CCDC171: variants seen among roughly 807,000 people sequenced by gnomAD.
The protein encoded by CCDC171 is coiled-coil domain-containing protein 171.
CCDC171 carries 177 observed loss-of-function variants against 168.2 expected under a neutral mutation model. That is an observed-to-expected ratio of 1.05 (90% CI 0.93 to 1.19). The LOEUF is 1.19. Ranked by LOEUF, CCDC171 falls within the 50% of genes most tolerant of loss-of-function variation. The pLI is 0.00. For missense variants in CCDC171, 1,991 were observed against 1,539.0 expected (o/e 1.29, Z -4.91); for synonymous variants, 687 against 540.8 (o/e 1.27, Z -3.75).
At position 15,615,863 on chromosome 9, in the gene CCDC171, C is replaced by T. The variant is rs946906444; in HGVS notation, c.676-7404C>T. Among the ~76,000 whole-genome samples the T allele has an allele frequency of 2.6e-5, 4 of 151,850 alleles. No individual in the cohort carries two copies. In the East Asian group the frequency reaches 7.8e-4, roughly 29 times the overall value. ...GCATGATCTCAGCTTGCTGCAGCCTCTGCCTCCTAGGCACAAGTGATCCTC... is the reference window on the plus strand; with the variant it reads ...GCATGATCTCAGCTTGCTGCAGCCTTTGCCTCCTAGGCACAAGTGATCCTC... On this transcript the variant is annotated intron_variant, in intron 6 of 25. Coordinates refer to ENST00000380701, the MANE Select transcript of CCDC171 (RefSeq NM_173550.4).
intron 1 of CCDC171, among the ~76,000 whole-genome samples, chr9:15,555,077 C>T (rs886907771): frequency 1.1e-4 from 17 of 152,094 alleles, no homozygotes; most frequent in African/African-American, 3.9e-4. Context: ...AATTTTTTAC[C>T]AGTAGTGGCT....
At chr9:15,758,037 G>A (rs2056232226) in intron 18 of CCDC171, among the ~76,000 whole-genome samples, 1 of 152,172 alleles carries the variant, frequency 6.6e-6, no homozygotes, top group Admixed American at 6.5e-5. Context: ...TGTGGGGTAG[G>A]AGCCCCCACA....
intron 6 of CCDC171, among the ~76,000 whole-genome samples, chr9:15,612,163 T>G (rs2043746141): frequency 6.6e-6 from 1 of 152,212 alleles, no homozygotes; most frequent in Non-Finnish European, 1.5e-5. Flanking sequence ...ACTGCCTAGT[T>G]TATGGTATAT....
intron 23 of CCDC171, among the ~76,000 whole-genome samples, chr9:15,869,330 A>T (rs2061928448): frequency 6.6e-6 from 1 of 151,962 alleles, no homozygotes. Context: ...CCTATCCCTG[A>T]ATATCATTTT....
intron 8 of CCDC171, among the ~76,000 whole-genome samples, chr9:15,657,642 A>G (rs2048037187): frequency 6.6e-6 from 1 of 152,210 alleles, no homozygotes. Flanking sequence ...ATATCACTGT[A>G]TTAAGAGCTG....
intron 23 of CCDC171, among the ~76,000 whole-genome samples, chr9:15,869,687 G>A (rs2061949393): frequency 1.3e-5 from 2 of 151,660 alleles, no homozygotes; most frequent in South Asian, 2.1e-4. Flanking sequence ...CAGTAGTTGT[G>A]ACCAGGAAAG....
At chr9:15,905,976 G>C (rs1822533950) in intron 24 of CCDC171, among the ~76,000 whole-genome samples, 1 of 152,332 alleles carries the variant, frequency 6.6e-6, no homozygotes, top group South Asian at 2.1e-4. Context: ...AAACCAGGAA[G>C]AAGCTGAATC....
chr9:16,098,734 C>A, the CCDC171 span, among the ~76,000 whole-genome samples: 2 of 152,160 alleles, frequency 1.3e-5, no homozygotes, highest in Non-Finnish European at 2.9e-5. Context: ...TTTAAAGATC[C>A]CTTTCTGTTT....
intron 4 of CCDC171, among the ~76,000 whole-genome samples, chr9:15,585,795 T>G: frequency 6.6e-6 from 1 of 152,028 alleles, no homozygotes; most frequent in East Asian, 1.9e-4. Flanking sequence ...CTGACCAACA[T>G]AGTGAAACCC....
At chr9:15,558,632 A>G (rs2039008520) in intron 1 of CCDC171, among the ~76,000 whole-genome samples, 2 of 151,470 alleles carry the variant, frequency 1.3e-5, no homozygotes, top group Non-Finnish European at 2.9e-5. Flanking sequence ...TTTCTTCTTT[A>G]TTAGTCTTGC....
chr9:15,576,529 G>C lies in CCDC171; in HGVS notation c.178-2320G>C, dbSNP rs561939525. Among the ~76,000 whole-genome samples the C allele has an allele frequency of 3.9e-4, 60 of 152,170 alleles. 1 individual carries two copies. The South Asian group carries it at 0.012, about 32-fold the overall frequency. The stretch of plus-strand genomic sequence containing the variant: ...GTAATGTACTTTGTGCCCTTGAAGA[G>C]GATGTAGTCAAGGAAAAGGGAGGCT... On this transcript the variant is annotated intron_variant, in intron 3 of 25. Coordinates refer to ENST00000380701, the MANE Select transcript of CCDC171 (RefSeq NM_173550.4).
chr9:15,693,040 G>C (rs2050935165), intron 10 of CCDC171, among the ~76,000 whole-genome samples: 1 of 152,024 alleles, frequency 6.6e-6, no homozygotes, highest in Non-Finnish European at 1.5e-5. Flanking sequence ...GGGAAGCTGA[G>C]GCAGGAGAAT....
chr9:15,791,826 G>A (rs1236034391), intron 21 of CCDC171, among the ~76,000 whole-genome samples: 1 of 152,134 alleles, frequency 6.6e-6, no homozygotes, highest in South Asian at 2.1e-4. Context: ...TCATATGTAC[G>A]TCACCATCAT....
chr9:16,100,879 C>G, the CCDC171 span, among the ~76,000 whole-genome samples: 5 of 152,278 alleles, frequency 3.3e-5, no homozygotes, highest in East Asian at 1.9e-4. Context: ...TCTTGCTCCC[C>G]CTTCACCCAA....
intron 7 of CCDC171, among the ~76,000 whole-genome samples, chr9:15,633,239 T>A (rs2045896931): frequency 6.6e-6 from 1 of 152,080 alleles, no homozygotes; most frequent in African/African-American, 2.4e-5. Flanking sequence ...ACAGGCAACC[T>A]ACACAATGGG....
intron 1 of CCDC171, among the ~76,000 whole-genome samples, chr9:15,553,844 T>A (rs2038547856): frequency 1.3e-5 from 2 of 152,202 alleles, no homozygotes; most frequent in Non-Finnish European, 2.9e-5. Flanking sequence ...TGAATTTTTT[T>A]ATTCCATTAT....
chr9:15,789,332 A>AT (rs750327160), intron 21 of CCDC171, among the ~76,000 whole-genome samples: 16 of 152,200 alleles, frequency 1.1e-4, no homozygotes, highest in Non-Finnish European at 2.2e-4. Context: ...AGCATTTTAC[A>AT]TAAGGGATGC....
Position 15,695,451 on chromosome 9 carries a change from A to G in CCDC171, c.1318+114A>G, listed in dbSNP as rs2051142384. On this transcript the variant is annotated intron_variant, in intron 11 of 25. Coordinates refer to ENST00000380701, the MANE Select transcript of CCDC171 (RefSeq NM_173550.4). ...CCTCATCTCAACATGTTTTGATTTG[A>G]TGACATGATAAGAGCAGTTCTCACA... 10 of 805,534 alleles carry G rather than the reference A, an allele frequency of 1.2e-5. 1 individual carries two copies. In the South Asian group the frequency reaches 1.5e-4, roughly 12 times the overall value. The allele number at this position is 805,534 out of a possible 1,614,324, so 49.9% of individuals were successfully genotyped here. A position where few individuals can be genotyped will look rare whatever the true frequency, so the allele number is the denominator to read the frequency against.
chr9:15,675,827 G>A (rs978536560), intron 9 of CCDC171, among the ~76,000 whole-genome samples: 2 of 152,050 alleles, frequency 1.3e-5, no homozygotes, highest in Non-Finnish European at 2.9e-5. Context: ...TTTCAATCTT[G>A]GTGAATCTGA....
Sources: gnomAD v4.1 joint callset for allele counts (sites outside exome capture counted in the v4.1 genomes callset) on GRCh38, gnomAD v4.1.1 for gene constraint, MANE v1.5 for transcripts, NCBI Gene and HGNC (gene_info 2026-07-23, HGNC 2026-07-21) for gene names.